The following SPOCK1 variants were observed in gnomAD, a reference collection of about 807,000 sequenced individuals.
SPOCK1 encodes the protein SPARC (osteonectin), cwcv and kazal like domains proteoglycan 1, also known as testican-1.
Under a neutral mutation model 55.3 loss-of-function variants are expected in SPOCK1, and 23 were observed. That is an observed-to-expected ratio of 0.42 (90% CI 0.30 to 0.59). SPOCK1 has a LOEUF of 0.59. SPOCK1 is among the 20% of genes least tolerant of loss of function. The pLI is 0.22. For missense variants in SPOCK1, 499 were observed against 552.5 expected (o/e 0.90, Z 0.97); for synonymous variants, 226 against 221.0 (o/e 1.02, Z -0.20).
At chr5:137,243,819 G>A (rs932760186) in intron 3 of SPOCK1, among the ~76,000 whole-genome samples, 6 of 152,088 alleles carry the variant, frequency 3.9e-5, no homozygotes, top group East Asian at 3.9e-4. Flanking sequence ...ATTCCATAAC[G>A]ACTCGAAACT....
intron 6 of SPOCK1, among the ~76,000 whole-genome samples, chr5:137,028,880 G>A (rs538359025): frequency 6.6e-6 from 1 of 152,142 alleles, no homozygotes; most frequent in Non-Finnish European, 1.5e-5. Flanking sequence ...TGAGAGGCAA[G>A]CACTGGAAGC....
chr5:137,458,570 T>C (rs1753414990), intron 2 of SPOCK1, among the ~76,000 whole-genome samples: 1 of 152,200 alleles, frequency 6.6e-6, no homozygotes, highest in African/African-American at 2.4e-5. Context: ...TGGTAAAAAC[T>C]CATGTGCTAC....
chr5:136,994,937 G>A lies in SPOCK1; in HGVS notation c.590-2337C>T, dbSNP rs145336777. Among the ~76,000 whole-genome samples, 1,268 of 152,094 alleles carry A rather than the reference G, an allele frequency of 8.3e-3. 10 individuals carry two copies. The highest frequency in any genetic ancestry group is 0.034 in the Middle Eastern group (10 of 294). On this transcript the variant is annotated intron_variant, in intron 6 of 10. Transcript: ENST00000394945. ...GGAGAATCGCTTGAACCTGGGAGGC[G>A]GAGGTTGCGGTGAGCTGAGATTGTG... is the stretch of plus-strand genomic sequence containing the variant.
intron 5 of SPOCK1, among the ~76,000 whole-genome samples, chr5:137,110,785 T>C (rs147437711): frequency 1.3e-5 from 2 of 152,300 alleles, no homozygotes; most frequent in African/African-American, 4.8e-5. Flanking sequence ...ATTCCCATTA[T>C]GTTATAAATT....
At chr5:137,108,170 C>A (rs1267511921) in intron 5 of SPOCK1, among the ~76,000 whole-genome samples, 1 of 152,136 alleles carries the variant, frequency 6.6e-6, no homozygotes, top group African/African-American at 2.4e-5. Context: ...GAGACTAAAT[C>A]ATCTTTTTGA....
chr5:137,229,619 A>C (rs1330844216), intron 3 of SPOCK1, among the ~76,000 whole-genome samples: 1 of 152,206 alleles, frequency 6.6e-6, no homozygotes, highest in African/African-American at 2.4e-5. Context: ...GAGATGTATT[A>C]AGCTAGGAGC....
At chr5:137,381,595 C>T (rs1375956474) in intron 2 of SPOCK1, among the ~76,000 whole-genome samples, 1 of 152,198 alleles carries the variant, frequency 6.6e-6, no homozygotes, top group Admixed American at 6.5e-5. Context: ...GCCACCAGTG[C>T]TTAGGGATTG....
intron 3 of SPOCK1, among the ~76,000 whole-genome samples, chr5:137,205,101 C>T (rs923400916): frequency 3.3e-5 from 5 of 152,174 alleles, no homozygotes; most frequent in Non-Finnish European, 7.3e-5. Context: ...GCTCCTTTTG[C>T]TTGTTTACCA....
At chr5:137,271,569 T>A (rs556404605) in intron 2 of SPOCK1, among the ~76,000 whole-genome samples, 2 of 35,732 alleles carry the variant, frequency 5.6e-5, no homozygotes, top group East Asian at 6.8e-4. Flanking sequence ...TCACAGATGA[T>A]CATAGCCAAC....
chr5:137,132,425 T>A (rs1394969446), intron 4 of SPOCK1, among the ~76,000 whole-genome samples: 1 of 152,088 alleles, frequency 6.6e-6, no homozygotes, highest in Admixed American at 6.5e-5. Context: ...TCTAATCCAC[T>A]GAAATCCGAT....
Position 136,979,457 on chromosome 5 carries a change from G to A in SPOCK1, c.1004C>T (p.Pro335Leu), listed in dbSNP as rs1750682184. Reference protein sequence around the residue: ...KGKSLLGAFIPRCNEEGYYKA... With the variant: ...KGKSLLGAFILRCNEEGYYKA... ...GTAATAGCCCTCCTCATTACACCGA[G>A]GTATGAAGGCCCCTGGGGGAACAAA... The change falls in exon 10 of 11, where the codon CCT becomes CTT. Residue 335 changes from proline to leucine, a missense_variant. Coordinates refer to ENST00000394945, the MANE Select transcript of SPOCK1 (RefSeq NM_004598.4). The A allele has an allele frequency of 6.8e-6, 11 of 1,613,800 alleles. No individual in the cohort carries two copies. Among genetic ancestry groups the A allele is most frequent in the Non-Finnish European group, 9.3e-6 (11 of 1,179,926 alleles).
At chr5:137,431,050 G>C (rs1174958702) in intron 2 of SPOCK1, among the ~76,000 whole-genome samples, 1 of 152,094 alleles carries the variant, frequency 6.6e-6, no homozygotes, top group East Asian at 1.9e-4. Flanking sequence ...GTAATGTTTG[G>C]GGCTGTAACA....
intron 2 of SPOCK1, among the ~76,000 whole-genome samples, chr5:137,426,826 G>A (rs1218369943): frequency 6.6e-6 from 1 of 152,156 alleles, no homozygotes; most frequent in Non-Finnish European, 1.5e-5. Context: ...AACACCCTGA[G>A]AGTGCTGACA....
At chr5:137,468,222 T>C (rs532020212) in intron 2 of SPOCK1, among the ~76,000 whole-genome samples, 51 of 152,324 alleles carry the variant, frequency 3.3e-4, no homozygotes, top group African/African-American at 1.2e-3. Context: ...TAGTGACTCC[T>C]GCAGTTAAAG....
chr5:137,140,057 AT>A (rs1231448836), intron 4 of SPOCK1, among the ~76,000 whole-genome samples: 1 of 152,186 alleles, frequency 6.6e-6, no homozygotes, highest in Non-Finnish European at 1.5e-5. Context: ...AGGAAATAGC[AT>A]GTTCCCAGAA....
At chr5:137,194,729 G>A (rs901410431) in intron 3 of SPOCK1, among the ~76,000 whole-genome samples, 5 of 152,036 alleles carry the variant, frequency 3.3e-5, no homozygotes, top group South Asian at 4.2e-4. Flanking sequence ...TGATCACCCC[G>A]TGGCTCCACC....
rs144041946 is a variant in SPOCK1, at chr5:137,209,392, G to A, written c.232+57618C>T. Among the ~76,000 whole-genome samples the A allele has an allele frequency of 9.2e-5, 14 of 152,314 alleles. No individual in the cohort carries two copies. In the East Asian group the frequency reaches 1.9e-3, roughly 21 times the overall value. ...TGCTATAAATGAATTGCTTGTAAGC[G>A]CAAGTAGATGTGGAGGTAGTTTGAT... On this transcript the variant is annotated intron_variant, in intron 3 of 10. Coordinates refer to ENST00000394945, the MANE Select transcript of SPOCK1 (RefSeq NM_004598.4).
At chr5:137,053,326 C>G (rs963113575) in intron 6 of SPOCK1, among the ~76,000 whole-genome samples, 3 of 152,006 alleles carry the variant, frequency 2.0e-5, no homozygotes, top group African/African-American at 7.2e-5. Context: ...GGCCAACTTG[C>G]ATCAGAAGTC....
At chr5:137,292,950 T>C (rs1446607716) in intron 2 of SPOCK1, among the ~76,000 whole-genome samples, 4 of 152,210 alleles carry the variant, frequency 2.6e-5, no homozygotes, top group African/African-American at 9.7e-5. Flanking sequence ...AATTTCATTT[T>C]AATCTTGTTT....
Sources: gnomAD v4.1 joint callset for allele counts (sites outside exome capture counted in the v4.1 genomes callset) on GRCh38, gnomAD v4.1.1 for gene constraint, MANE v1.5 for transcripts, NCBI Gene and HGNC (gene_info 2026-07-23, HGNC 2026-07-21) for gene names.